Variants in RETREG1 observed in about 807,000 individuals in gnomAD.
RETREG1 encodes the protein family with sequence similarity 134 member B.
A neutral mutation model predicts 54.8 loss-of-function variants in RETREG1; 44 were observed. The ratio of observed to expected loss-of-function variants is 0.80; its 90% CI spans 0.63 to 1.03. The LOEUF is 1.03. Among genes scored for constraint, RETREG1 ranks in the 50% least tolerant of loss-of-function variants. The pLI is 0.00. For synonymous variants in RETREG1, 217 were observed against 238.5 expected (o/e 0.91, Z 0.83); for missense variants, 554 against 605.1 (o/e 0.92, Z 0.89).
intron 1 of RETREG1, among the ~76,000 whole-genome samples, chr5:16,615,473 G>A (rs1309066918): frequency 1.3e-5 from 2 of 151,834 alleles, no homozygotes; most frequent in South Asian, 4.2e-4. Context: ...AAACATTAGT[G>A]AGACACAGCC....
rs111595652 is a variant in RETREG1, at chr5:16,567,386, C to T, written c.428-1593G>A. On this transcript the variant is annotated intron_variant, in intron 2 of 8. Transcript: ENST00000306320. ...GAGGCTACCTGATAGGCAACCAAAT[C>T]CAGGCCATCTGACAAGCTATCAGAG... Among the ~76,000 whole-genome samples the T allele has an allele frequency of 6.5e-3, 990 of 152,250 alleles. 7 individuals carry two copies. Among genetic ancestry groups the T allele is most frequent in the African/African-American group, 0.023 (944 of 41,530 alleles).
At chr5:16,546,531 T>C (rs1397452782) in intron 3 of RETREG1, among the ~76,000 whole-genome samples, 1 of 152,216 alleles carries the variant, frequency 6.6e-6, no homozygotes, top group East Asian at 1.9e-4. Context: ...AGAAGCAACA[T>C]GTTGCCCCAA....
intron 3 of RETREG1, among the ~76,000 whole-genome samples, chr5:16,497,177 C>A (rs1227111680): frequency 2.0e-5 from 3 of 152,182 alleles, no homozygotes; most frequent in Non-Finnish European, 2.9e-5. Context: ...TCACAACACT[C>A]TGACGAGGTG....
chr5:16,477,772 G>A lies in RETREG1; in HGVS notation c.890C>T (p.Ala297Val), dbSNP rs1283053891. 1.9e-6 allele frequency: 3 copies of A among 1,613,346 alleles called. No individual in the cohort carries two copies. Among genetic ancestry groups the A allele is most frequent in the East Asian group, 2.2e-5 (1 of 44,854 alleles). Residue 297 changes from alanine (A) to valine (V), a missense_variant, in exon 8 of 9, where the codon GCT becomes GTT. Ala to Val is a moderately conservative substitution (Grantham distance 64, BLOSUM62 0). This residue lies in a region of RETREG1 where 347 missense variants were observed against 412.3 expected (regional missense o/e 0.84). Transcript: ENST00000306320. ...ALCPKISLTV[A>V]AKELSVSDTD... ...GTCAGACACAGATAACTCTTTGGCAGCAACCGTGAGGCTAATCTGTGTTAA... is the reference window on the plus strand; with the variant it reads ...GTCAGACACAGATAACTCTTTGGCAACAACCGTGAGGCTAATCTGTGTTAA...
chr5:16,598,735 A>G lies in RETREG1; in HGVS notation c.320+17917T>C, dbSNP rs1742969897. On this transcript the variant is annotated intron_variant, in intron 1 of 8. Transcript: ENST00000306320. ...TAAGAACCACCTTTAACCATCCTTTATAACCATCCTTTGTAAGTGATGGAC... is the reference window on the plus strand; with the variant it reads ...TAAGAACCACCTTTAACCATCCTTTGTAACCATCCTTTGTAAGTGATGGAC... Among the ~76,000 whole-genome samples the G allele has an allele frequency of 2.0e-5, 3 of 152,324 alleles. 1 individual carries two copies. In the South Asian group the frequency reaches 6.2e-4, roughly 32 times the overall value.
At chr5:16,520,006 G>A (rs562668133) in intron 3 of RETREG1, among the ~76,000 whole-genome samples, 45 of 152,290 alleles carry the variant, frequency 3.0e-4, no homozygotes, top group African/African-American at 1.1e-3. Context: ...ACCCTGTTAT[G>A]GGTTGGACTG....
Position 16,563,602 on chromosome 5 carries a change from A to G in RETREG1, c.458+2161T>C, listed in dbSNP as rs78260302. Among the ~76,000 whole-genome samples, 1,173 of 152,306 alleles carry G rather than the reference A, an allele frequency of 7.7e-3. 19 individuals carry two copies. Among genetic ancestry groups the G allele is most frequent in the African/African-American group, 0.027 (1,107 of 41,562 alleles). ...AACATGGAGCTGGCAAACAAAAATG[A>G]GAGCCATGCTCACCCTATCCCAGTT... On this transcript the variant is annotated intron_variant, in intron 3 of 8. Coordinates refer to ENST00000306320, the MANE Select transcript of RETREG1 (RefSeq NM_001034850.3).
chr5:16,577,836 T>G (rs1196327664), intron 1 of RETREG1, among the ~76,000 whole-genome samples: 1 of 152,174 alleles, frequency 6.6e-6, no homozygotes, highest in African/African-American at 2.4e-5. Flanking sequence ...TTTGCTTAGC[T>G]CTCATTCTCT....
intron 2 of RETREG1, among the ~76,000 whole-genome samples, chr5:16,567,876 A>C (rs571601751): frequency 1.3e-5 from 2 of 152,238 alleles, no homozygotes; most frequent in East Asian, 3.9e-4. Flanking sequence ...TAGGAGGATC[A>C]CTTGACCCAG....
intron 3 of RETREG1, among the ~76,000 whole-genome samples, chr5:16,521,304 T>A (rs753655566): frequency 6.6e-6 from 1 of 152,188 alleles, no homozygotes; most frequent in Admixed American, 6.5e-5. Flanking sequence ...CCCCACAGTT[T>A]AAACACTTGT....
chr5:16,541,052 ATTTCAGAAGATACAACAAATAATCACAC>A (rs1362281360), intron 3 of RETREG1, among the ~76,000 whole-genome samples: 1 of 152,172 alleles, frequency 6.6e-6, no homozygotes, highest in African/African-American at 2.4e-5. Flanking sequence ...GACCTTACTC[ATTTCAGAAGATACAACAAATAATCACAC>A]TTTCTGTCAT....
chr5:16,473,573 G>A lies in RETREG1; in HGVS notation c.*1168C>T, dbSNP rs186701958. Reference sequence around the variant, plus strand: ...TTGGTAGTTGCTGGCATGGTCCCTCGACACTTAAAGTTTATATCACAAAAA... The same window carrying A: ...TTGGTAGTTGCTGGCATGGTCCCTCAACACTTAAAGTTTATATCACAAAAA... On this transcript the variant is annotated 3_prime_UTR_variant, in exon 9 of 9. Transcript: ENST00000306320. The A allele has an allele frequency of 3.3e-5, 5 of 152,550 alleles. No individual in the cohort carries two copies. The highest frequency in any genetic ancestry group is 4.8e-5 in the African/African-American group (2 of 41,518). 9.4% of individuals were successfully genotyped at this position (152,550 alleles called of 1,614,324 possible).
intron 1 of RETREG1, among the ~76,000 whole-genome samples, chr5:16,577,753 G>T (rs1180805085): frequency 1.3e-5 from 2 of 152,062 alleles, no homozygotes; most frequent in Admixed American, 6.5e-5. Context: ...CACAGGGGCG[G>T]TTTCTCCCAT....
intron 3 of RETREG1, among the ~76,000 whole-genome samples, chr5:16,526,099 C>T (rs549037437): frequency 1.2e-4 from 19 of 152,342 alleles, no homozygotes; most frequent in Non-Finnish European, 2.6e-4. Flanking sequence ...TAACGAGGCA[C>T]CATTGCCTGG....
chr5:16,571,134 G>A (rs1020549892), intron 2 of RETREG1, among the ~76,000 whole-genome samples: 2 of 152,108 alleles, frequency 1.3e-5, no homozygotes, highest in Admixed American at 6.6e-5. Context: ...AGCTGACATC[G>A]CTGGCTTCTA....
intron 5 of RETREG1, among the ~76,000 whole-genome samples, chr5:16,479,669 G>A (rs1738687390): frequency 6.6e-6 from 1 of 152,014 alleles, no homozygotes; most frequent in Admixed American, 6.6e-5. Flanking sequence ...TTTGCCATTT[G>A]CATTATGCAT....
chr5:16,484,886 T>G (rs913587953), intron 3 of RETREG1, among the ~76,000 whole-genome samples: 1 of 152,104 alleles, frequency 6.6e-6, no homozygotes, highest in Non-Finnish European at 1.5e-5. Flanking sequence ...AATGAACTTT[T>G]GGGGATGGTT....
chr5:16,576,055 T>C (rs559814583), intron 1 of RETREG1, among the ~76,000 whole-genome samples: 2 of 152,258 alleles, frequency 1.3e-5, no homozygotes, highest in South Asian at 2.1e-4. Flanking sequence ...TGTTATTAGA[T>C]GAAGGAATTT....
At chr5:16,520,740 C>T (rs183111934) in intron 3 of RETREG1, among the ~76,000 whole-genome samples, 85 of 152,136 alleles carry the variant, frequency 5.6e-4, no homozygotes, top group East Asian at 1.2e-3. Context: ...TTTTAAGTTG[C>T]GCTATTTAGT....
Sources: allele counts gnomAD v4.1 joint callset (sites outside exome capture counted in the v4.1 genomes callset), GRCh38; gene constraint gnomAD v4.1.1; regional missense constraint gnomAD v4.1.1; transcripts MANE v1.5; gene names NCBI Gene and HGNC (gene_info 2026-07-23, HGNC 2026-07-21).